Variants in CDYL observed in about 807,000 individuals in gnomAD.
CDYL encodes the protein chromodomain Y-like protein.
CDYL carries 8 observed loss-of-function variants against 47.3 expected under a neutral mutation model. The observed-to-expected ratio is 0.17, with a 90% CI of 0.10 to 0.31. The LOEUF is 0.31. Ranked by LOEUF, CDYL falls within the 10% of genes least tolerant of loss-of-function variation. The pLI, the probability that CDYL is intolerant of heterozygous loss-of-function variation, is 1.00. For missense variants in CDYL, 471 were observed against 701.4 expected (o/e 0.67, Z 3.71); for synonymous variants, 266 against 265.0 (o/e 1.00, Z -0.04).
intron 1 of CDYL, among the ~76,000 whole-genome samples, chr6:4,819,495 T>C (rs1012970771): frequency 6.6e-5 from 10 of 152,120 alleles, no homozygotes; most frequent in African/African-American, 2.2e-4. Flanking sequence ...ACAACCTTCA[T>C]GTATTGGGAA....
intron 4 of CDYL, among the ~76,000 whole-genome samples, chr6:4,940,477 A>G (rs184422631): frequency 6.6e-6 from 1 of 150,792 alleles, no homozygotes; most frequent in Non-Finnish European, 1.5e-5. Context: ...CATCGTAGCA[A>G]GTTTCCAAAG....
intron 2 of CDYL, among the ~76,000 whole-genome samples, chr6:4,909,499 TAAGTC>T (rs1757341110): frequency 2.0e-5 from 3 of 152,222 alleles, no homozygotes; most frequent in Admixed American, 2.0e-4. Flanking sequence ...TTTATAGATG[TAAGTC>T]ATATATTACT....
chr6:4,887,772 A>AG (rs1210540718), intron 1 of CDYL, among the ~76,000 whole-genome samples: 1 of 152,068 alleles, frequency 6.6e-6, no homozygotes, highest in Non-Finnish European at 1.5e-5. Flanking sequence ...TTCTGATCTT[A>AG]GGGGGAAGCT....
At chr6:4,741,042 C>T (rs1490854072) in intron 3 of CDYL, among the ~76,000 whole-genome samples, 1 of 152,268 alleles carries the variant, frequency 6.6e-6, no homozygotes, top group Non-Finnish European at 1.5e-5. Flanking sequence ...CTGCCTCAGC[C>T]TCCCAAAGTG....
At chr6:4,899,045 C>A (rs1756927645) in intron 2 of CDYL, among the ~76,000 whole-genome samples, 1 of 152,108 alleles carries the variant, frequency 6.6e-6, no homozygotes, top group South Asian at 2.1e-4. Flanking sequence ...TGAGTACAGC[C>A]CTAGCCTTTT....
At chr6:4,748,349 T>G (rs1405662444) in intron 3 of CDYL, among the ~76,000 whole-genome samples, 2 of 152,064 alleles carry the variant, frequency 1.3e-5, no homozygotes, top group African/African-American at 4.8e-5. Context: ...ACAGCATTTT[T>G]TTCCAGGTGA....
intron 1 of CDYL, among the ~76,000 whole-genome samples, chr6:4,709,010 AAAAATAAAAT>A (rs780800707): frequency 3.9e-5 from 6 of 152,082 alleles, no homozygotes; most frequent in Admixed American, 6.6e-5. Flanking sequence ...CTGTCTTAAA[AAAAATAAAAT>A]AAAATAAAAT....
At chr6:4,891,011 G>A (rs1019840007) in intron 1 of CDYL, among the ~76,000 whole-genome samples, 2 of 152,166 alleles carry the variant, frequency 1.3e-5, no homozygotes, top group East Asian at 1.9e-4. Context: ...GTGATAAAAC[G>A]TGCTTACAAG....
intron 2 of CDYL, among the ~76,000 whole-genome samples, chr6:4,899,472 G>C (rs1348515122): frequency 6.6e-6 from 1 of 152,154 alleles, no homozygotes; most frequent in East Asian, 1.9e-4. Flanking sequence ...AAAGAAAGTG[G>C]GGTTTCTAGG....
At chr6:4,863,826 T>G (rs1381964046) in intron 1 of CDYL, among the ~76,000 whole-genome samples, 3 of 152,242 alleles carry the variant, frequency 2.0e-5, no homozygotes, top group African/African-American at 7.2e-5. Flanking sequence ...TTTCCTTTCC[T>G]TATGTGGGAC....
intron 5 of CDYL, among the ~76,000 whole-genome samples, chr6:4,950,026 T>A: frequency 6.6e-6 from 1 of 152,244 alleles, no homozygotes; most frequent in South Asian, 2.1e-4. Context: ...GGCGGGGCTG[T>A]GGAGGAAGAC....
intron 1 of CDYL, among the ~76,000 whole-genome samples, chr6:4,868,565 G>A (rs1300918507): frequency 1.3e-5 from 2 of 152,076 alleles, no homozygotes; most frequent in South Asian, 4.1e-4. Context: ...CTGTTTTATG[G>A]CCTACATTCT....
At chr6:4,815,461 T>C (rs961462458) in intron 1 of CDYL, among the ~76,000 whole-genome samples, 3 of 152,184 alleles carry the variant, frequency 2.0e-5, no homozygotes, top group African/African-American at 7.2e-5. Context: ...TTAGGTTGTT[T>C]ACAGTTTTTT....
chr6:4,828,331 C>G (rs1443558491), intron 1 of CDYL, among the ~76,000 whole-genome samples: 2 of 144,502 alleles, frequency 1.4e-5, no homozygotes, highest in Non-Finnish European at 3.0e-5. Flanking sequence ...GATCATAGCT[C>G]ACTGTAAGCC....
intron 1 of CDYL, chr6:4,890,062 G>A: frequency 1.0e-6 from 1 of 985,460 alleles, no homozygotes; most frequent in East Asian, 1.1e-4. Context: ...AGGAAACAGA[G>A]GAAAGCAAAC....
At chr6:4,895,214 CAT>C (rs546156964) in intron 2 of CDYL, among the ~76,000 whole-genome samples, 584 of 43,420 alleles carry the variant, frequency 0.013, 202 homozygotes, top group Middle Eastern at 0.1. Flanking sequence ...TATATATGTA[CAT>C]ATGTGTATAG....
chr6:4,844,337 G>A (rs1260919901), intron 1 of CDYL, among the ~76,000 whole-genome samples: 2 of 152,182 alleles, frequency 1.3e-5, no homozygotes, highest in Non-Finnish European at 2.9e-5. Flanking sequence ...AGGATCAGGT[G>A]GTGTGGGGGC....
At chr6:4,896,075 C>T (rs750643324) in intron 2 of CDYL, among the ~76,000 whole-genome samples, 1 of 152,190 alleles carries the variant, frequency 6.6e-6, no homozygotes, top group Admixed American at 6.5e-5. Flanking sequence ...TCAGCCCTGA[C>T]CCCTGTATAC....
chr6:4,750,246 A>G (rs1040140282), intron 3 of CDYL, among the ~76,000 whole-genome samples: 6 of 152,104 alleles, frequency 3.9e-5, no homozygotes, highest in Non-Finnish European at 5.9e-5. Context: ...TCTGTTGCCC[A>G]GGCTGGAGAG....
Sources: gnomAD v4.1 joint callset for allele counts (sites outside exome capture counted in the v4.1 genomes callset) on GRCh38, gnomAD v4.1.1 for gene constraint, MANE v1.5 for transcripts, NCBI Gene and HGNC (gene_info 2026-07-23, HGNC 2026-07-21) for gene names.